The following TBC1D8 variants were observed in gnomAD, a reference collection of about 807,000 sequenced individuals.
The protein encoded by TBC1D8 is TBC1 domain family member 8, also known as BUB2-like protein 1.
TBC1D8 carries 65 observed loss-of-function variants against 118.8 expected under a neutral mutation model. The observed-to-expected ratio is 0.55, with a 90% confidence interval of 0.45 to 0.67. The LOEUF is 0.67. Ranked by LOEUF, TBC1D8 falls within the 30% of genes least tolerant of loss-of-function variation. TBC1D8 has a pLI of 0.00. For synonymous variants in TBC1D8, 566 were observed against 595.8 expected, an observed-to-expected ratio of 0.95 and a Z score of 0.73; for missense variants, 1,376 against 1,471.2, an observed-to-expected ratio of 0.94 and a Z score of 1.06.
intron 1 of TBC1D8, among the ~76,000 whole-genome samples, chr2:101,094,242 G>A (rs1676246810): frequency 6.6e-6 from 1 of 152,182 alleles, no homozygotes; most frequent in Non-Finnish European, 1.5e-5. Context: ...TGACAAAGGA[G>A]GCTGGAAACC....
intron 17 of TBC1D8, among the ~76,000 whole-genome samples, chr2:101,014,944 A>G (rs930061886): frequency 1.3e-5 from 2 of 152,134 alleles, no homozygotes; most frequent in Non-Finnish European, 2.9e-5. Flanking sequence ...GTTTTTCTCC[A>G]CAGCAAATAT....
intron 1 of TBC1D8, among the ~76,000 whole-genome samples, chr2:101,096,459 G>C (rs963293754): frequency 1.6e-5 from 2 of 125,092 alleles, no homozygotes; most frequent in African/African-American, 2.9e-5. Context: ...TATAATGCAC[G>C]CTACAACAAA....
At chr2:101,013,737 G>A (rs535896194) in intron 17 of TBC1D8, among the ~76,000 whole-genome samples, 2 of 152,328 alleles carry the variant, frequency 1.3e-5, no homozygotes, top group South Asian at 2.1e-4. Flanking sequence ...CTGTGGAGGC[G>A]ACAAGCCAGT....
chr2:101,107,398 A>G (rs1037985307), intron 1 of TBC1D8, among the ~76,000 whole-genome samples: 15 of 152,078 alleles, frequency 9.9e-5, no homozygotes, highest in African/African-American at 3.6e-4. Flanking sequence ...GGAAGATCCA[A>G]TCTCTCTGTG....
chr2:101,050,122 C>T (rs7597650), intron 5 of TBC1D8, among the ~76,000 whole-genome samples: 5,030 of 152,280 alleles, frequency 0.033, 298 homozygotes, highest in African/African-American at 0.11. Context: ...CCACCGCAAC[C>T]GGCCCTACCC....
rs772905227 is a variant in TBC1D8, at chr2:101,029,610, G to A, written c.2103C>T (p.Asp701=). The change falls in exon 12 of 20, where the codon GAC becomes GAT. Residue 701 remains aspartate, a synonymous_variant. Transcript: ENST00000409318. The part of the protein sequence containing the change: ...MPLESAVNVV[D]CFFYDGIKAI... Reference sequence around the variant, plus strand: ...CTTTGATGCCATCATAGAAGAAGCAGTCTACCACATTCACCGCACTCTCTA... The same window carrying A: ...CTTTGATGCCATCATAGAAGAAGCAATCTACCACATTCACCGCACTCTCTA... 3.0e-5 allele frequency: 49 copies of A among 1,613,862 alleles called. No homozygotes were observed. Among genetic ancestry groups the A allele is most frequent in the Non-Finnish European group, 4.0e-5 (47 of 1,179,910 alleles).
intron 1 of TBC1D8, among the ~76,000 whole-genome samples, chr2:101,118,493 G>A (rs192350821): frequency 3.2e-4 from 48 of 149,080 alleles, no homozygotes; most frequent in East Asian, 1.0e-3. Context: ...TCAGGAGATC[G>A]AGACCATCCT....
At chr2:101,140,504 G>A (rs978484257) in intron 1 of TBC1D8, among the ~76,000 whole-genome samples, 4 of 151,944 alleles carry the variant, frequency 2.6e-5, no homozygotes, top group Admixed American at 2.6e-4. Context: ...CTTCCTGATC[G>A]CCACTACCCA....
At chr2:101,072,899 GCC>G (rs1456411733) in intron 2 of TBC1D8, among the ~76,000 whole-genome samples, 2 of 152,092 alleles carry the variant, frequency 1.3e-5, no homozygotes, top group Non-Finnish European at 2.9e-5. Flanking sequence ...TTCCCACTAG[GCC>G]CACCTCCAAC....
chr2:101,121,166 A>G (rs1235349346), intron 1 of TBC1D8, among the ~76,000 whole-genome samples: 2 of 152,254 alleles, frequency 1.3e-5, no homozygotes, highest in Non-Finnish European at 2.9e-5. Flanking sequence ...AAAGAAAAAA[A>G]TAAGAGAAAA....
intron 5 of TBC1D8, among the ~76,000 whole-genome samples, chr2:101,046,096 C>T (rs1433152970): frequency 6.6e-6 from 1 of 152,038 alleles, no homozygotes; most frequent in Non-Finnish European, 1.5e-5. Flanking sequence ...TCCTCAAAGC[C>T]CAAGTCTGTA....
chr2:101,059,287 A>T (rs1295542872), intron 3 of TBC1D8, 134 bp downstream of exon 3: 2 of 605,904 alleles, frequency 3.3e-6, no homozygotes, highest in Non-Finnish European at 5.9e-6. Context: ...GTGATAAATG[A>T]AACTTATTTG....
At chr2:101,136,654 T>G (rs1678864525) in intron 1 of TBC1D8, among the ~76,000 whole-genome samples, 1 of 152,024 alleles carries the variant, frequency 6.6e-6, no homozygotes, top group Non-Finnish European at 1.5e-5. Context: ...AACACACGAG[T>G]ATGCACACTT....
chr2:101,087,677 A>G (rs1046515039), intron 2 of TBC1D8, among the ~76,000 whole-genome samples: 5 of 152,088 alleles, frequency 3.3e-5, no homozygotes, highest in Non-Finnish European at 7.4e-5. Flanking sequence ...AGATTGGGAA[A>G]TCTATACCTG....
At chr2:101,039,524 G>A (rs909816112) in intron 6 of TBC1D8, among the ~76,000 whole-genome samples, 3 of 152,178 alleles carry the variant, frequency 2.0e-5, no homozygotes, top group African/African-American at 7.2e-5. Flanking sequence ...TTATCAGAAA[G>A]AAGAATCTGG....
intron 17 of TBC1D8, chr2:101,019,128 C>A: frequency 6.6e-7 from 1 of 1,522,862 alleles, no homozygotes; most frequent in Non-Finnish European, 8.9e-7. Context: ...ACCAAGCTCA[C>A]CGAGGACGTC....
intron 1 of TBC1D8, among the ~76,000 whole-genome samples, chr2:101,149,976 G>GCCTACAGCTC (rs1381198585): frequency 6.6e-6 from 1 of 152,190 alleles, no homozygotes; most frequent in African/African-American, 2.4e-5. Flanking sequence ...ACCCTCAGCT[G>GCCTACAGCTC]CCTACAGCTC....
At chr2:101,117,948 GA>G (rs1488354476) in intron 1 of TBC1D8, among the ~76,000 whole-genome samples, 8 of 151,278 alleles carry the variant, frequency 5.3e-5, no homozygotes, top group Non-Finnish European at 1.0e-4. Context: ...AAGGGGGTGG[GA>G]GGACGGCCTC....
chr2:101,109,753 GC>G, intron 1 of TBC1D8: 5 of 978,834 alleles, frequency 5.1e-6, no homozygotes, highest in African/African-American at 1.7e-5. Context: ...TGGCTCCAGA[GC>G]CCACGTTCTC....
Sources: allele counts gnomAD v4.1 joint callset (sites outside exome capture counted in the v4.1 genomes callset), GRCh38; gene constraint gnomAD v4.1.1; transcripts MANE v1.5; gene names NCBI Gene and HGNC (gene_info 2026-07-23, HGNC 2026-07-21).